Variants in FRZB observed in about 807,000 individuals in gnomAD.
FRZB encodes frizzled related protein, also known as secreted frizzled-related protein 3.
Under a neutral mutation model 32.5 loss-of-function variants are expected in FRZB, and 34 were observed. That is an observed-to-expected ratio of 1.05 (90% CI 0.80 to 1.39). The LOEUF (loss-of-function observed/expected upper bound fraction) is 1.39. Ranked by LOEUF, FRZB falls within the 40% of genes most tolerant of loss-of-function variation. The pLI is 0.00. For synonymous variants in FRZB, 170 were observed against 159.2 expected, an observed-to-expected ratio of 1.07 and a Z score of -0.51; for missense variants, 423 against 424.8, an observed-to-expected ratio of 1.00 and a Z score of 0.04.
rs1695488590 is a variant in FRZB at position 182,833,562 on chromosome 2, A to G, written c.*1287T>C. 6.6e-6 allele frequency: 1 copy of G among 152,188 alleles called. No individual in the cohort carries two copies. Among genetic ancestry groups the G allele is most frequent in the South Asian group, 2.1e-4 (1 of 4,834 alleles). The allele number at this position is 152,188 out of a possible 1,614,324, so 9.4% of individuals were successfully genotyped here. ...GTTAAATTGAAGCATTGTAAATTGA[A>G]TCATTGTAAGCTAGGGACCATCTAT... is the stretch of plus-strand genomic sequence containing the variant. On this transcript the variant is annotated 3_prime_UTR_variant, in exon 6 of 6. Coordinates refer to ENST00000295113, the MANE Select transcript of FRZB (RefSeq NM_001463.4).
chr2:182,835,645 T>C (rs1300084577), intron 5 of FRZB, among the ~76,000 whole-genome samples: 3 of 152,106 alleles, frequency 2.0e-5, no homozygotes, highest in Non-Finnish European at 2.9e-5. Flanking sequence ...GGAAGTTATA[T>C]TACATGAGGA....
chr2:182,838,750 A>G (rs1695555623), intron 3 of FRZB, 137 bp from the exon 4 acceptor site: 1 of 707,072 alleles, frequency 1.4e-6, no homozygotes, highest in Admixed American at 2.7e-5. Flanking sequence ...AAAGTCAGCC[A>G]GATATTTTTG....
intron 1 of FRZB, among the ~76,000 whole-genome samples, chr2:182,862,446 A>G (rs1695843488): frequency 6.6e-6 from 1 of 152,224 alleles, no homozygotes; most frequent in African/African-American, 2.4e-5. Context: ...TGTCGCTCCC[A>G]AGGGGATCTG....
chr2:182,858,058 C>A (rs958672773), intron 2 of FRZB, among the ~76,000 whole-genome samples: 1 of 152,090 alleles, frequency 6.6e-6, no homozygotes, highest in African/African-American at 2.4e-5. Context: ...ATTACTAGCA[C>A]AAAATTGAAC....
At chr2:182,859,384 T>C (rs1407908323) in intron 1 of FRZB, among the ~76,000 whole-genome samples, 1 of 152,166 alleles carries the variant, frequency 6.6e-6, no homozygotes, top group Non-Finnish European at 1.5e-5. Context: ...GATGTGACAA[T>C]AATTAGAAAT....
At chr2:182,848,665 C>G (rs1169286121) in intron 2 of FRZB, among the ~76,000 whole-genome samples, 2 of 152,126 alleles carry the variant, frequency 1.3e-5, no homozygotes, top group South Asian at 4.1e-4. Flanking sequence ...CAGAAATCAA[C>G]TATATTAAAC....
At chr2:182,840,710 T>C (rs1219941366) in intron 3 of FRZB, among the ~76,000 whole-genome samples, 3 of 152,126 alleles carry the variant, frequency 2.0e-5, no homozygotes, top group Non-Finnish European at 4.4e-5. Context: ...TATGATCAAC[T>C]TAGCTATTAC....
At chr2:182,849,780 G>A (rs1466001377) in intron 2 of FRZB, among the ~76,000 whole-genome samples, 1 of 152,148 alleles carries the variant, frequency 6.6e-6, no homozygotes, top group Non-Finnish European at 1.5e-5. Context: ...ATTCCTTTTT[G>A]TCTTTGGAAA....
At chr2:182,853,682 A>G (rs1435676684) in intron 2 of FRZB, among the ~76,000 whole-genome samples, 1 of 152,222 alleles carries the variant, frequency 6.6e-6, no homozygotes, top group Non-Finnish European at 1.5e-5. Context: ...GGAAGTCAAC[A>G]GAGAAAACTG....
At chr2:182,845,694 T>G (rs1489535193) in intron 2 of FRZB, among the ~76,000 whole-genome samples, 1 of 152,174 alleles carries the variant, frequency 6.6e-6, no homozygotes, top group Non-Finnish European at 1.5e-5. Flanking sequence ...ATTAATACAA[T>G]ACCTTCAATT....
intron 2 of FRZB, among the ~76,000 whole-genome samples, chr2:182,849,626 T>C (rs1432935663): frequency 1.3e-5 from 2 of 152,212 alleles, no homozygotes; most frequent in Non-Finnish European, 2.9e-5. Context: ...AAAGTAAAAG[T>C]AACATTTGCT....
chr2:182,845,268 C>T (rs1398278955), intron 2 of FRZB, among the ~76,000 whole-genome samples: 1 of 151,840 alleles, frequency 6.6e-6, no homozygotes, highest in South Asian at 2.1e-4. Context: ...TTAGCTGTCA[C>T]CTTTTTTGTG....
At chr2:182,838,164 C>T (rs1695548367) in intron 4 of FRZB, among the ~76,000 whole-genome samples, 153 bp from the exon 5 acceptor site, 1 of 152,134 alleles carries the variant, frequency 6.6e-6, no homozygotes, top group East Asian at 1.9e-4. Context: ...ATTTGTAAGT[C>T]ACAGACCCCT....
At chr2:182,860,267 T>C (rs1695816394) in intron 1 of FRZB, among the ~76,000 whole-genome samples, 1 of 152,042 alleles carries the variant, frequency 6.6e-6, no homozygotes, top group Non-Finnish European at 1.5e-5. Flanking sequence ...GATCAAAAAA[T>C]TATTGTCAGA....
chr2:182,865,437 G>C (rs1695879774), intron 1 of FRZB, among the ~76,000 whole-genome samples: 2 of 152,276 alleles, frequency 1.3e-5, no homozygotes, highest in Admixed American at 6.5e-5. Context: ...TTCTGGAATG[G>C]AAGAACAATT....
At chr2:182,865,963 G>A (rs1695885110) in intron 1 of FRZB, 112 bp downstream of exon 1, 3 of 785,096 alleles carry the variant, frequency 3.8e-6, no homozygotes, top group Non-Finnish European at 6.2e-6. Flanking sequence ...AGTTATGGGA[G>A]AGATTAAGTG....
chr2:182,866,195 C>T lies in FRZB; in HGVS notation c.358G>A (p.Glu120Lys), dbSNP rs993235624. Residue 120 changes from glutamate to lysine, a missense_variant, in exon 1 of 6, where the codon GAG (glutamate) becomes AAG (lysine). Transcript: ENST00000295113. The surrounding 1 kb of genome is among the most constrained non-coding windows in gnomAD (Gnocchi z 4.5). ...SVCERARQGC[E>K]PILIKYRHSW... ...TGGCGGTACTTGATGAGTATGGGCT[C>T]ACAGCCCTGCCGGGCCCGCTCGCAC... The T allele has an allele frequency of 6.2e-7, 1 of 1,614,206 alleles. No homozygotes were observed. Among genetic ancestry groups the T allele is most frequent in the Admixed American group, 1.7e-5 (1 of 60,034 alleles).
chr2:182,863,518 C>T (rs116122839), intron 1 of FRZB, among the ~76,000 whole-genome samples: 22 of 152,314 alleles, frequency 1.4e-4, no homozygotes, highest in African/African-American at 4.3e-4. Flanking sequence ...TCATGATATA[C>T]TATGAGAGAA....
chr2:182,848,996 G>A (rs1173707496), intron 2 of FRZB, among the ~76,000 whole-genome samples: 1 of 152,134 alleles, frequency 6.6e-6, no homozygotes, highest in Non-Finnish European at 1.5e-5. Context: ...GGGAGGCCGA[G>A]GCGGGTGGAT....
Sources: gnomAD v4.1 joint callset for allele counts (sites outside exome capture counted in the v4.1 genomes callset) on GRCh38, gnomAD v4.1.1 for gene constraint, Gnocchi (gnomAD v3.1) non-coding constraint, MANE v1.5 for transcripts, NCBI Gene and HGNC (gene_info 2026-07-23, HGNC 2026-07-21) for gene names.